OPCML: variants seen among roughly 807,000 people sequenced by gnomAD.
OPCML encodes opioid binding protein/cell adhesion molecule like.
Under a neutral mutation model 37.8 loss-of-function variants are expected in OPCML, and 13 were observed. The observed-to-expected ratio is 0.34, with a 90% CI of 0.22 to 0.55. OPCML has a LOEUF of 0.55. Ranked by LOEUF, OPCML falls within the 20% of genes least tolerant of loss-of-function variation. The pLI, the probability that OPCML is intolerant of heterozygous loss-of-function variation, is 0.91. For synonymous variants in OPCML, 176 were observed against 168.8 expected (o/e 1.04, Z -0.33); for missense variants, 341 against 435.6 (o/e 0.78, Z 1.93).
At chr11:133,349,077 T>A (rs1270180051) in intron 1 of OPCML, among the ~76,000 whole-genome samples, 1 of 152,238 alleles carries the variant, frequency 6.6e-6, no homozygotes, top group African/African-American at 2.4e-5. Context: ...TACTTCATAC[T>A]GGCTGTATGT....
chr11:133,364,041 C>G (rs1458988460), intron 1 of OPCML, among the ~76,000 whole-genome samples: 1 of 152,210 alleles, frequency 6.6e-6, no homozygotes, highest in East Asian at 1.9e-4. Context: ...CCTCCCGCTT[C>G]TCAGACTAGT....
chr11:132,665,195 G>C (rs1320647), intron 2 of OPCML, among the ~76,000 whole-genome samples: 3,976 of 152,264 alleles, frequency 0.026, 153 homozygotes, highest in Admixed American at 0.11. Context: ...TAGAGTAGTG[G>C]AAACACAACC....
At chr11:132,827,997 C>A (rs1298113303) in intron 2 of OPCML, among the ~76,000 whole-genome samples, 1 of 152,066 alleles carries the variant, frequency 6.6e-6, no homozygotes, top group African/African-American at 2.4e-5. Context: ...ACCAAGATGT[C>A]CTTCAATAGG....
At chr11:133,044,180 T>C (rs1439192108) in intron 1 of OPCML, among the ~76,000 whole-genome samples, 1 of 152,208 alleles carries the variant, frequency 6.6e-6, no homozygotes, top group Non-Finnish European at 1.5e-5. Context: ...TGTGCTTGCA[T>C]GTGTGCACAT....
intron 3 of OPCML, among the ~76,000 whole-genome samples, chr11:132,628,950 A>T (rs1163331712): frequency 6.6e-6 from 1 of 151,872 alleles, no homozygotes; most frequent in African/African-American, 2.4e-5. Flanking sequence ...GCTGAATTAA[A>T]CCTCTTTCCT....
chr11:132,940,242 G>C (rs777274005), intron 2 of OPCML, among the ~76,000 whole-genome samples: 2 of 152,144 alleles, frequency 1.3e-5, no homozygotes, highest in Non-Finnish European at 2.9e-5. Context: ...GCAGGCCCAG[G>C]TTTCGTGACT....
intron 1 of OPCML, among the ~76,000 whole-genome samples, chr11:132,992,908 T>C (rs754446665): frequency 5.3e-5 from 8 of 152,186 alleles, no homozygotes; most frequent in Admixed American, 1.3e-4. Flanking sequence ...TGGAGCAACG[T>C]TGACATCCAG....
At chr11:133,097,823 G>C (rs1297261859) in intron 1 of OPCML, among the ~76,000 whole-genome samples, 1 of 152,126 alleles carries the variant, frequency 6.6e-6, no homozygotes, top group Admixed American at 6.5e-5. Context: ...AGAAGAAATA[G>C]ACAATCTGAA....
chr11:133,076,639 C>T (rs1948624982), intron 1 of OPCML, among the ~76,000 whole-genome samples: 1 of 152,106 alleles, frequency 6.6e-6, no homozygotes, highest in African/African-American at 2.4e-5. Context: ...TGTCACAAGT[C>T]TCAAATGAGA....
chr11:132,972,544 T>A (rs758667482), intron 1 of OPCML, among the ~76,000 whole-genome samples: 1 of 152,246 alleles, frequency 6.6e-6, no homozygotes, highest in Non-Finnish European at 1.5e-5. Context: ...TGCGTTTTTA[T>A]TAAAGCCATC....
At chr11:132,737,252 CTTTTA>C (rs1945290013) in intron 2 of OPCML, among the ~76,000 whole-genome samples, 1 of 152,184 alleles carries the variant, frequency 6.6e-6, no homozygotes, top group South Asian at 2.1e-4. Context: ...TCTCACACCT[CTTTTA>C]TTTTTCAAGG....
chr11:132,669,040 T>C (rs1942343683), intron 2 of OPCML, among the ~76,000 whole-genome samples: 1 of 152,140 alleles, frequency 6.6e-6, no homozygotes. Context: ...TCTAGATTGA[T>C]GTCCTGTGGT....
chr11:132,856,016 C>A (rs899186608), intron 2 of OPCML, among the ~76,000 whole-genome samples: 2 of 152,096 alleles, frequency 1.3e-5, no homozygotes, highest in Non-Finnish European at 2.9e-5. Flanking sequence ...GATTCCATTT[C>A]AAAAATCGGT....
chr11:133,406,678 G>C (rs1565617367), intron 1 of OPCML, among the ~76,000 whole-genome samples: 1 of 152,192 alleles, frequency 6.6e-6, no homozygotes, highest in Non-Finnish European at 1.5e-5. Flanking sequence ...AGCCAGGCCT[G>C]TGTGTGCAGA....
intron 2 of OPCML, among the ~76,000 whole-genome samples, chr11:132,827,971 C>A (rs948986933): frequency 6.6e-6 from 1 of 152,066 alleles, no homozygotes; most frequent in Non-Finnish European, 1.5e-5. Context: ...TTTATAATTG[C>A]CCAAACTCGC....
At chr11:132,921,643 A>T (rs190682087) in intron 2 of OPCML, among the ~76,000 whole-genome samples, 270 of 152,328 alleles carry the variant, frequency 1.8e-3, no homozygotes, top group Non-Finnish European at 2.5e-3. Flanking sequence ...CTAGCCAATG[A>T]TCCCACAGGG....
rs147911780 is a variant in OPCML, at chr11:132,798,085, T to C, written c.147-140766A>G. Among the ~76,000 whole-genome samples, 400 of 152,322 alleles carry C rather than the reference T, an allele frequency of 2.6e-3. 3 individuals carry two copies. Among genetic ancestry groups the C allele is most frequent in the African/African-American group, 9.2e-3 (381 of 41,574 alleles). ...AAAATTATTTTTATTTTTGTTTTAT[T>C]TATGTATTTATTTTTGAGACAGTCT... On this transcript the variant is annotated intron_variant, in intron 2 of 7. Transcript: ENST00000524381.
chr11:133,269,821 A>G (rs1241436791), intron 1 of OPCML, among the ~76,000 whole-genome samples: 1 of 152,196 alleles, frequency 6.6e-6, no homozygotes, highest in Non-Finnish European at 1.5e-5. Flanking sequence ...CATTTACTGC[A>G]GAAGAGAGTA....
At chr11:132,467,004 A>T (rs977148894) in intron 4 of OPCML, among the ~76,000 whole-genome samples, 3 of 152,182 alleles carry the variant, frequency 2.0e-5, no homozygotes, top group African/African-American at 4.8e-5. Context: ...AACAAAAAGG[A>T]ACAGATAAGA....
Sources: allele counts gnomAD v4.1 joint callset (sites outside exome capture counted in the v4.1 genomes callset), GRCh38; gene constraint gnomAD v4.1.1; transcripts MANE v1.5; gene names NCBI Gene and HGNC (gene_info 2026-07-23, HGNC 2026-07-21).